Variants in DIMT1 observed in about 807,000 individuals in gnomAD.
DIMT1 encodes the protein DIM1 rRNA methyltransferase and ribosome maturation factor, also known as dimethyladenosine transferase.
DIMT1 carries 36 observed loss-of-function variants against 43.2 expected under a neutral mutation model. That is an observed-to-expected ratio of 0.83 (90% CI 0.64 to 1.10). The LOEUF (loss-of-function observed/expected upper bound fraction) is 1.10, where lower values mean the gene tolerates loss of function less well. Ranked by LOEUF, DIMT1 falls within the 50% of genes least tolerant of loss-of-function variation. The probability of loss-of-function intolerance (pLI) is 0.00; values close to 1 mark genes in which losing one functional copy is unlikely to be tolerated. For missense variants in DIMT1, 341 were observed against 385.3 expected (o/e 0.88, Z 0.96); for synonymous variants, 126 against 130.3 (o/e 0.97, Z 0.22).
At chr5:62,402,165 GA>G (rs758334608) in intron 2 of DIMT1, 43 bp from the exon 3 acceptor site, 7 of 1,590,152 alleles carry the variant, frequency 4.4e-6, no homozygotes, top group Non-Finnish European at 5.2e-6. Context: ...GGCAACATCA[GA>G]ACACAGAAGT....
intron 6 of DIMT1, among the ~76,000 whole-genome samples, chr5:62,396,269 G>A (rs1393187757): frequency 6.6e-6 from 1 of 151,796 alleles, no homozygotes; most frequent in African/African-American, 2.4e-5. Flanking sequence ...CAGCATTTGG[G>A]GAGGCTGAGG....
intron 10 of DIMT1, chr5:62,391,963 A>G: frequency 6.5e-7 from 1 of 1,537,954 alleles, no homozygotes; most frequent in Non-Finnish European, 8.7e-7. Flanking sequence ...TGGAGTAATC[A>G]AAGTTGCTCA....
chr5:62,396,804 C>G (rs1392542260), intron 6 of DIMT1, among the ~76,000 whole-genome samples: 1 of 152,180 alleles, frequency 6.6e-6, no homozygotes, highest in Admixed American at 6.5e-5. Flanking sequence ...TTGCTCTTGA[C>G]TGGTCTGCTT....
intron 6 of DIMT1, among the ~76,000 whole-genome samples, chr5:62,398,189 T>G (rs573355244): frequency 6.6e-4 from 101 of 152,284 alleles, no homozygotes; most frequent in African/African-American, 2.4e-3. Context: ...CATGAACTTT[T>G]TGAAGACCTC....
chr5:62,399,660 C>T (rs1485994658), intron 3 of DIMT1, among the ~76,000 whole-genome samples: 13 of 147,296 alleles, frequency 8.8e-5, no homozygotes, highest in Non-Finnish European at 1.1e-4. Context: ...AAAAAAAAGC[C>T]GGGTGTGAGG....
intron 3 of DIMT1, among the ~76,000 whole-genome samples, chr5:62,401,579 CCT>C (rs1491354961): frequency 2.3e-4 from 32 of 137,382 alleles, no homozygotes; most frequent in African/African-American, 8.6e-4. Flanking sequence ...CTCATATTTT[CCT>C]TTTTTTTTTT....
At chr5:62,393,469 A>C (rs1184577926) in intron 8 of DIMT1, among the ~76,000 whole-genome samples, 1 of 152,200 alleles carries the variant, frequency 6.6e-6, no homozygotes, top group Non-Finnish European at 1.5e-5. Flanking sequence ...ATTTTCAAAA[A>C]TAAGATTCAA....
intron 6 of DIMT1, among the ~76,000 whole-genome samples, chr5:62,395,549 C>T (rs1742455355): frequency 6.6e-6 from 1 of 152,046 alleles, no homozygotes; most frequent in Non-Finnish European, 1.5e-5. Flanking sequence ...ACCTGGACTA[C>T]ATGCAATGCC....
rs566840081 is a variant in DIMT1, at chr5:62,403,894, C to A, written c.-122G>T. The A allele has an allele frequency of 3.4e-5, 37 of 1,078,640 alleles. No individual in the cohort carries two copies. In the Admixed American group the frequency reaches 9.2e-4, roughly 27 times the overall value. The allele number at this position is 1,078,640 out of a possible 1,614,324, so 66.8% of individuals were successfully genotyped here. A position where few individuals can be genotyped will look rare whatever the true frequency, so the allele number is the denominator to read the frequency against. On this transcript the variant is annotated 5_prime_UTR_variant, in exon 1 of 12. Coordinates refer to ENST00000199320, the MANE Select transcript of DIMT1 (RefSeq NM_014473.4). ...GCCCGCACCACTCTGGCCCAAGCGC[C>A]GGAGGGGCAAGGGTCCGCCCCCTCC... is the stretch of plus-strand genomic sequence containing the variant.
intron 11 of DIMT1, among the ~76,000 whole-genome samples, chr5:62,390,494 C>T (rs1028952654): frequency 1.3e-5 from 2 of 152,068 alleles, no homozygotes; most frequent in Non-Finnish European, 2.9e-5. Flanking sequence ...AAATCAGATC[C>T]AGTTACATGT....
chr5:62,393,311 C>T (rs2112038881), intron 8 of DIMT1, among the ~76,000 whole-genome samples: 1 of 151,842 alleles, frequency 6.6e-6, no homozygotes, highest in East Asian at 1.9e-4. Context: ...ACTCAGGAGG[C>T]TGAGGTGGGA....
Position 62,398,405 on chromosome 5 carries a change from T to C in DIMT1, c.446+106A>G, listed in dbSNP as rs1359397208. On this transcript the variant is annotated intron_variant, in intron 6 of 11. Coordinates refer to ENST00000199320, the MANE Select transcript of DIMT1 (RefSeq NM_014473.4). ...TACAAATCAACATTTTCTACAAAAA[T>C]TCTTCAGTAGTTTTTCAACTGACCT... 16 of 1,084,062 alleles carry C rather than the reference T, an allele frequency of 1.5e-5. No homozygotes were observed. In the South Asian group the frequency reaches 1.8e-4, roughly 12 times the overall value. The allele number at this position is 1,084,062 out of a possible 1,614,324, so 67.2% of individuals were successfully genotyped here. A position where few individuals can be genotyped will look rare whatever the true frequency, so the allele number is the denominator to read the frequency against.
At chr5:62,394,908 G>C (rs149056067) in intron 6 of DIMT1, among the ~76,000 whole-genome samples, 1 of 152,178 alleles carries the variant, frequency 6.6e-6, no homozygotes, top group African/African-American at 2.4e-5. Context: ...AAATAAAATT[G>C]TTTCAGTAGC....
intron 3 of DIMT1, among the ~76,000 whole-genome samples, chr5:62,401,351 C>G (rs1329925237): frequency 6.6e-6 from 1 of 151,234 alleles, no homozygotes; most frequent in African/African-American, 2.4e-5. Flanking sequence ...CAAAAATTAG[C>G]TGGTGTGGGG....
intron 6 of DIMT1, 150 bp downstream of exon 6, chr5:62,398,361 A>C: frequency 2.7e-6 from 2 of 740,824 alleles, no homozygotes; most frequent in Admixed American, 2.3e-5. Context: ...CCTCTCAATT[A>C]AAGAGAGAAA....
At position 62,389,711 on chromosome 5, in the gene DIMT1, A is replaced by C. The variant is rs560240500; in HGVS notation, c.900-659T>G. On this transcript the variant is annotated intron_variant, in intron 11 of 11. Coordinates refer to ENST00000199320, the MANE Select transcript of DIMT1 (RefSeq NM_014473.4). The stretch of plus-strand genomic sequence containing the variant: ...GGAATTGGCAGAAGTCAGATGAAAA[A>C]CCAATCTTACATGCCCCTTCTTCCT... 3.2e-4 allele frequency among the ~76,000 whole-genome samples: 49 copies of C among 152,174 alleles called. No homozygotes were observed. The South Asian group carries it at 9.3e-3, about 29-fold the overall frequency.
chr5:62,393,842 T>C (rs1742384962), intron 8 of DIMT1, 113 bp downstream of exon 8: 3 of 910,342 alleles, frequency 3.3e-6, no homozygotes, highest in Non-Finnish European at 4.8e-6. Flanking sequence ...AATTAACATT[T>C]TCCTATGTTT....
chr5:62,387,933 G>A lies in DIMT1; in HGVS notation c.*1077C>T, dbSNP rs1457538520. 1 of 151,630 alleles carries A rather than the reference G, an allele frequency of 6.6e-6. No homozygotes were observed. The highest frequency in any genetic ancestry group is 1.5e-5 in the Non-Finnish European group (1 of 67,928). The allele number at this position is 151,630 out of a possible 1,614,324, so 9.4% of individuals were successfully genotyped here. On this transcript the variant is annotated 3_prime_UTR_variant, in exon 12 of 12. Transcript: ENST00000199320. ...TGGAAACACTCTTCTATTAAGTTAG[G>A]TATTAAAAAAAGCCAAATATCAATA... is the stretch of plus-strand genomic sequence containing the variant.
At chr5:62,396,073 G>T (rs1742475083) in intron 6 of DIMT1, among the ~76,000 whole-genome samples, 2 of 145,086 alleles carry the variant, frequency 1.4e-5, no homozygotes, top group Non-Finnish European at 3.0e-5. Context: ...TGTAAGTGAT[G>T]ATACCAGCAT....
Sources: gnomAD v4.1 joint callset for allele counts (sites outside exome capture counted in the v4.1 genomes callset) on GRCh38, gnomAD v4.1.1 for gene constraint, MANE v1.5 for transcripts, NCBI Gene and HGNC (gene_info 2026-07-23, HGNC 2026-07-21) for gene names.